Variants in RBM19 observed in about 807,000 individuals in gnomAD.
The protein encoded by RBM19 is RNA binding motif protein 19, also known as probable RNA-binding protein 19.
Under a neutral mutation model 116.8 loss-of-function variants are expected in RBM19, and 94 were observed. The ratio of observed to expected loss-of-function variants is 0.80; its 90% CI spans 0.68 to 0.95. RBM19 has a LOEUF of 0.95. Ranked by LOEUF, RBM19 falls within the 40% of genes least tolerant of loss-of-function variation. The pLI, the probability that RBM19 is intolerant of heterozygous loss-of-function variation, is 0.00. For missense variants in RBM19, 1,161 were observed against 1,220.7 expected (o/e 0.95, Z 0.73); for synonymous variants, 475 against 494.1 (o/e 0.96, Z 0.51).
At chr12:113,924,249 AC>A (rs1868857681) in intron 18 of RBM19, among the ~76,000 whole-genome samples, 1 of 152,230 alleles carries the variant, frequency 6.6e-6, no homozygotes, top group South Asian at 2.1e-4. Context: ...ACTCGGTAGA[AC>A]GTTCCAGAAG....
chr12:113,837,498 A>G (rs1876070966), intron 23 of RBM19, among the ~76,000 whole-genome samples: 1 of 152,234 alleles, frequency 6.6e-6, no homozygotes, highest in African/African-American at 2.4e-5. Context: ...GCTGTGCGCC[A>G]TCTCCTTTAC....
chr12:113,832,974 G>T (rs1875562940), intron 23 of RBM19, among the ~76,000 whole-genome samples: 1 of 152,004 alleles, frequency 6.6e-6, no homozygotes, highest in African/African-American at 2.4e-5. Flanking sequence ...GGGGAGGGGG[G>T]GTTAACTCTT....
At chr12:113,955,272 G>T (rs1593648852) in intron 6 of RBM19, 61 bp from the exon 7 acceptor site, 1 of 1,503,076 alleles carries the variant, frequency 6.7e-7, no homozygotes, top group Non-Finnish European at 9.3e-7. Context: ...GCTGCAGGAG[G>T]TGGCACACTG....
intron 23 of RBM19, among the ~76,000 whole-genome samples, chr12:113,830,592 GGC>G (rs1875325455): frequency 1.1e-5 from 1 of 92,320 alleles, no homozygotes; most frequent in African/African-American, 4.2e-5. Context: ...GGGGGGGGTG[GGC>G]TATGCCTGGG....
rs201753753 is a variant in RBM19, at chr12:113,950,084, C to T, written c.1071G>A (p.Met357Ile). 2.6e-5 allele frequency: 41 copies of T among 1,601,982 alleles called. No individual in the cohort carries two copies. In the East Asian group the frequency reaches 8.9e-4, roughly 35 times the overall value. The part of the protein sequence containing the change: ...KQALKCNREY[M>I]GGRYIEVFRE... The stretch of plus-strand genomic sequence containing the variant: ...AGCACATGGCCAGGGCTTCCTTACC[C>T]ATGTACTCCCGGTTGCATTTCAGAG... Residue 357 changes from methionine to isoleucine, a missense_variant and splice_region_variant, in exon 9 of 24, where the codon ATG becomes ATA. Transcript: ENST00000261741.
At chr12:113,940,225 C>A in intron 14 of RBM19, 65 bp from the exon 15 acceptor site, 1 of 1,515,294 alleles carries the variant, frequency 6.6e-7, no homozygotes, top group South Asian at 1.2e-5. Context: ...CTGACACCAG[C>A]AGGGATCGTG....
At chr12:113,962,188 T>C (rs755005483) in intron 2 of RBM19, 44 bp downstream of exon 2, 3 of 1,602,082 alleles carry the variant, frequency 1.9e-6, no homozygotes, top group Non-Finnish European at 2.6e-6. Context: ...TCAAACAACG[T>C]CACACTTGAC....
intron 8 of RBM19, 79 bp from the exon 9 acceptor site, chr12:113,950,233 T>C (rs1422988867): frequency 8.4e-6 from 10 of 1,191,426 alleles, no homozygotes; most frequent in Non-Finnish European, 1.2e-5. Context: ...ACACCCATAC[T>C]GTGCTAGGAG....
chr12:113,926,375 T>G (rs1418481741), intron 17 of RBM19, among the ~76,000 whole-genome samples: 1 of 152,144 alleles, frequency 6.6e-6, no homozygotes, highest in Non-Finnish European at 1.5e-5. Context: ...AACAAAAAAC[T>G]GAAAAACCCA....
intron 23 of RBM19, among the ~76,000 whole-genome samples, chr12:113,836,619 G>A (rs1875914339): frequency 1.3e-5 from 2 of 152,020 alleles, no homozygotes; most frequent in Non-Finnish European, 2.9e-5. Flanking sequence ...TTGGAAGGCA[G>A]GACATTACGG....
intron 7 of RBM19, among the ~76,000 whole-genome samples, chr12:113,953,686 C>T (rs759065686): frequency 2.0e-5 from 3 of 152,154 alleles, no homozygotes; most frequent in Non-Finnish European, 4.4e-5. Flanking sequence ...AGCAATGCTC[C>T]CAGAGGGCAA....
chr12:113,837,210 C>T (rs571933472), intron 23 of RBM19, among the ~76,000 whole-genome samples: 61 of 141,256 alleles, frequency 4.3e-4, no homozygotes, highest in African/African-American at 1.4e-3. Context: ...CACACTCTCA[C>T]GTGCTACTGC....
At chr12:113,955,431 C>A (rs1471630858) in intron 6 of RBM19, among the ~76,000 whole-genome samples, 1 of 152,102 alleles carries the variant, frequency 6.6e-6, no homozygotes, top group Non-Finnish European at 1.5e-5. Context: ...GGGCTGGAAC[C>A]AGAGCCTGGC....
Position 113,904,037 on chromosome 12 carries a change from C to A in RBM19, c.2558+10932G>T, listed in dbSNP as rs1027327020. 2.6e-5 allele frequency among the ~76,000 whole-genome samples: 4 copies of A among 152,176 alleles called. No homozygotes were observed. The East Asian group carries it at 7.7e-4, about 29-fold the overall frequency. ...GAAATAAAAAGATATGAGGCAAGGA[C>A]TCCTACATTCTGTCTTGGGGCCATT... On this transcript the variant is annotated intron_variant, in intron 21 of 23. Coordinates refer to ENST00000261741, the MANE Select transcript of RBM19 (RefSeq NM_016196.4).
At chr12:113,877,414 C>G in intron 21 of RBM19, among the ~76,000 whole-genome samples, 1 of 152,348 alleles carries the variant, frequency 6.6e-6, no homozygotes, top group East Asian at 1.9e-4. Flanking sequence ...GTGGCCAGAT[C>G]TGGCCCATGA....
chr12:113,916,361 C>T (rs1346529412), intron 20 of RBM19, among the ~76,000 whole-genome samples: 1 of 152,166 alleles, frequency 6.6e-6, no homozygotes, highest in East Asian at 1.9e-4. Flanking sequence ...GAGCTAAGAT[C>T]ACACCACTGC....
In RBM19 at chr12:113,837,030, C is replaced by T. The variant is rs1013725428; in HGVS notation, c.2785+7638G>A. On this transcript the variant is annotated intron_variant, in intron 23 of 23. Coordinates refer to ENST00000261741, the MANE Select transcript of RBM19 (RefSeq NM_016196.4). ...ACACACACACACACACACACACACA[C>T]ACGTCCCAAGCAATGCTTATGTGTC... Among the ~76,000 whole-genome samples, 3 of 138,176 alleles carry T rather than the reference C, an allele frequency of 2.2e-5. No homozygotes were observed. In the Admixed American group the frequency reaches 2.4e-4, roughly 11 times the overall value. 90.6% of individuals were successfully genotyped at this position (138,176 alleles called of 152,430 possible).
intron 23 of RBM19, among the ~76,000 whole-genome samples, chr12:113,839,120 A>G (rs1346399167): frequency 2.6e-5 from 4 of 152,242 alleles, no homozygotes; most frequent in Non-Finnish European, 5.9e-5. Flanking sequence ...TTCAGGGCCG[A>G]GGCCAGAGCC....
At chr12:113,831,844 T>C (rs1875443760) in intron 23 of RBM19, among the ~76,000 whole-genome samples, 2 of 152,044 alleles carry the variant, frequency 1.3e-5, no homozygotes, top group African/African-American at 4.8e-5. Flanking sequence ...TGGAAGGAAG[T>C]AGGAGGGGGT....
Sources: allele counts gnomAD v4.1 joint callset (sites outside exome capture counted in the v4.1 genomes callset), GRCh38; gene constraint gnomAD v4.1.1; transcripts MANE v1.5; gene names NCBI Gene and HGNC (gene_info 2026-07-23, HGNC 2026-07-21).